Variants in ZNF90 observed in about 807,000 individuals in gnomAD.
ZNF90 encodes the protein zinc finger protein HTF9.
Under a neutral mutation model 12.0 loss-of-function variants are expected in ZNF90, and 11 were observed. The observed-to-expected ratio is 0.92, with a 90% CI of 0.58 to 1.52. The LOEUF is 1.52. Ranked by LOEUF, ZNF90 falls within the 40% of genes most tolerant of loss-of-function variation. ZNF90 has a pLI of 0.00. For synonymous variants in ZNF90, 232 were observed against 240.1 expected, an observed-to-expected ratio of 0.97 and a Z score of 0.31; for missense variants, 765 against 711.5, an observed-to-expected ratio of 1.08 and a Z score of -0.86.
intron 1 of ZNF90, among the ~76,000 whole-genome samples, chr19:20,080,952 A>G (rs2088815743): frequency 6.6e-6 from 1 of 152,230 alleles, no homozygotes; most frequent in Non-Finnish European, 1.5e-5. Context: ...GTTTGGGAAT[A>G]GGAGGCTCTC....
intron 1 of ZNF90, among the ~76,000 whole-genome samples, chr19:20,095,707 C>T (rs2088939733): frequency 6.6e-6 from 1 of 151,134 alleles, no homozygotes; most frequent in African/African-American, 2.4e-5. Context: ...GATTGGGGCA[C>T]AGAAATAAGG....
At chr19:20,097,968 T>G (rs1250634172) in intron 1 of ZNF90, among the ~76,000 whole-genome samples, 1 of 152,220 alleles carries the variant, frequency 6.6e-6, no homozygotes, top group Non-Finnish European at 1.5e-5. Flanking sequence ...TGTGTTTCTC[T>G]TATTGTCTTT....
intron 1 of ZNF90, among the ~76,000 whole-genome samples, chr19:20,087,762 T>C (rs112542127): frequency 6.6e-6 from 1 of 152,142 alleles, no homozygotes; most frequent in Non-Finnish European, 1.5e-5. Flanking sequence ...CTGGGTGCAG[T>C]TGGGCTGAGT....
chr19:20,108,397 C>T (rs2089057691), intron 3 of ZNF90, among the ~76,000 whole-genome samples: 1 of 152,198 alleles, frequency 6.6e-6, no homozygotes, highest in African/African-American at 2.4e-5. Flanking sequence ...GCAACCTTCA[C>T]CTCCTGGGTT....
rs141713782 is a variant in ZNF90, at chr19:20,117,637, G to A, written c.227-144G>A. On this transcript the variant is annotated intron_variant, in intron 3 of 3. Coordinates refer to ENST00000418063, the MANE Select transcript of ZNF90 (RefSeq NM_007138.2). ...TGTAACCTGTATTTATCAGAATCTA[G>A]CAATTGAAGTAATGTGTTCTTATTG... is the stretch of plus-strand genomic sequence containing the variant. 9,002 of 1,338,046 alleles carry A rather than the reference G, an allele frequency of 6.7e-3. 99 individuals are homozygous for A. The highest frequency in any genetic ancestry group is 0.013 in the Admixed American group (371 of 28,298). 82.9% of individuals were successfully genotyped at this position (1,338,046 alleles called of 1,614,324 possible). A position where few individuals can be genotyped will look rare whatever the true frequency, so the allele number is the denominator to read the frequency against.
chr19:20,087,888 C>T (rs8101648), intron 1 of ZNF90, among the ~76,000 whole-genome samples: 2,034 of 151,894 alleles, frequency 0.013, 48 homozygotes, highest in African/African-American at 0.046. Context: ...GAATGGGGGT[C>T]GCAAGGTGCT....
chr19:20,103,172 C>T (rs565924961), intron 1 of ZNF90, among the ~76,000 whole-genome samples: 4 of 152,240 alleles, frequency 2.6e-5, no homozygotes, highest in Admixed American at 1.3e-4. Flanking sequence ...TGGGAGCCCA[C>T]GCTGTTTATT....
At chr19:20,112,745 G>GT (rs1392575601) in intron 3 of ZNF90, among the ~76,000 whole-genome samples, 5 of 151,878 alleles carry the variant, frequency 3.3e-5, no homozygotes, top group South Asian at 2.1e-4. Flanking sequence ...GGTTAGAAAT[G>GT]TTTTTTTGTT....
intron 1 of ZNF90, among the ~76,000 whole-genome samples, chr19:20,084,369 T>C (rs782193595): frequency 1.3e-5 from 2 of 152,176 alleles, no homozygotes; most frequent in Non-Finnish European, 2.9e-5. Context: ...CCATACCATA[T>C]TTTCTTTATC....
At chr19:20,107,788 T>G (rs1036950821) in intron 3 of ZNF90, among the ~76,000 whole-genome samples, 11 of 152,224 alleles carry the variant, frequency 7.2e-5, no homozygotes, top group Admixed American at 2.6e-4. Context: ...TAGGACAATA[T>G]GCCAGAATTT....
intron 3 of ZNF90, among the ~76,000 whole-genome samples, chr19:20,109,805 C>T (rs187491479): frequency 5.7e-4 from 86 of 151,990 alleles, no homozygotes; most frequent in Non-Finnish European, 7.2e-4. Flanking sequence ...TGTGCCTCTA[C>T]ACTCCAGCTT....
intron 3 of ZNF90, among the ~76,000 whole-genome samples, chr19:20,110,374 G>A (rs1419386235): frequency 6.6e-6 from 1 of 152,062 alleles, no homozygotes; most frequent in Non-Finnish European, 1.5e-5. Context: ...TGCCTCCTGG[G>A]TTCAAGCAAT....
Position 20,118,339 on chromosome 19 carries a change from G to A in ZNF90, c.785G>A (p.Cys262Tyr), listed in dbSNP as rs1555705985. The A allele has an allele frequency of 2.6e-6, 4 of 1,558,526 alleles. No homozygotes were observed. In the Admixed American group the frequency reaches 7.8e-5, roughly 30 times the overall value. Residue 262 changes from cysteine (C) to tyrosine (Y), a missense_variant, in exon 4 of 4, where the codon TGT (cysteine) becomes TAT (tyrosine). By Grantham distance (194) the Cys-to-Tyr change is radical. Transcript: ENST00000418063. ...TGEKRYKCED[C>Y]GKELKYSSTL... Reference sequence around the variant, plus strand: ...GAGAAACGGTACAAATGTGAAGATTGTGGCAAAGAATTAAAGTATTCCTCT... The same window carrying A: ...GAGAAACGGTACAAATGTGAAGATTATGGCAAAGAATTAAAGTATTCCTCT...
chr19:20,078,277 C>A (rs2088792773), intron 1 of ZNF90, 142 bp downstream of exon 1: 3 of 1,099,218 alleles, frequency 2.7e-6, no homozygotes, highest in East Asian at 2.5e-5. Context: ...CGGCCTCAGT[C>A]CCCTTCAGCC....
Position 20,119,039 on chromosome 19 carries a change from C to T in ZNF90, c.1485C>T (p.Ala495=), listed in dbSNP as rs188744674. 40 of 1,608,026 alleles carry T rather than the reference C, an allele frequency of 2.5e-5. No individual in the cohort carries two copies. The African/African-American group carries it at 3.2e-4, about 13-fold the overall frequency. The change falls in exon 4 of 4, where the codon GCC becomes GCT. Residue 495 remains alanine (A), a synonymous_variant. Coordinates refer to ENST00000418063, the MANE Select transcript of ZNF90 (RefSeq NM_007138.2). ...ACAAAGCCTTCAAGTACTCCTCAGC[C>T]CTTAGCACACATAAGATAATTCACA... is the stretch of plus-strand genomic sequence containing the variant. ...ECDKAFKYSS[A]LSTHKIIHSG...
intron 3 of ZNF90, among the ~76,000 whole-genome samples, chr19:20,114,690 C>T (rs1318210099): frequency 2.6e-5 from 4 of 151,876 alleles, no homozygotes; most frequent in Non-Finnish European, 4.4e-5. Context: ...TGTTTTTGGC[C>T]TAACAGGTGG....
chr19:20,087,926 G>T (rs1014128803), intron 1 of ZNF90, among the ~76,000 whole-genome samples: 1 of 152,282 alleles, frequency 6.6e-6, no homozygotes, highest in Middle Eastern at 3.4e-3. Context: ...GAGCCAGGAT[G>T]AGCCAGGAAA....
chr19:20,091,137 AGT>A (rs2088899239), intron 1 of ZNF90, among the ~76,000 whole-genome samples: 1 of 152,164 alleles, frequency 6.6e-6, no homozygotes, highest in Non-Finnish European at 1.5e-5. Context: ...ATCCAGTGAA[AGT>A]GTCTACCCAG....
chr19:20,120,131 CTTT>C lies in ZNF90; in HGVS notation c.*774_*776del, dbSNP rs1219733309. Among the ~76,000 whole-genome samples, 2 of 152,128 alleles carry C rather than the reference CTTT, an allele frequency of 1.3e-5. No homozygotes were observed. The highest frequency in any genetic ancestry group is 6.5e-5 in the Admixed American group (1 of 15,280). Reference sequence around the variant, plus strand: ...TACAAGTGTGAAGAATGTGGGAAAACTTTTTAATCAGTGCATACACCTTATTTC... The same window carrying C: ...TACAAGTGTGAAGAATGTGGGAAAACTTAATCAGTGCATACACCTTATTTC... On this transcript the variant is annotated 3_prime_UTR_variant, in exon 4 of 4. Transcript: ENST00000418063.
Sources: gnomAD v4.1 joint callset for allele counts (sites outside exome capture counted in the v4.1 genomes callset) on GRCh38, gnomAD v4.1.1 for gene constraint, MANE v1.5 for transcripts, NCBI Gene and HGNC (gene_info 2026-07-23, HGNC 2026-07-21) for gene names.